Variants in CCDC85A observed in about 807,000 individuals in gnomAD.
CCDC85A encodes the protein coiled-coil domain-containing protein 85A.
A neutral mutation model predicts 50.2 loss-of-function variants in CCDC85A; 38 were observed. The ratio of observed to expected loss-of-function variants is 0.76; its 90% CI spans 0.58 to 0.99. CCDC85A has a LOEUF of 0.99. Ranked by LOEUF, CCDC85A falls within the 50% of genes least tolerant of loss-of-function variation. CCDC85A has a pLI of 0.00. For synonymous variants in CCDC85A, 366 were observed against 301.4 expected (o/e 1.21, Z -2.22); for missense variants, 820 against 742.0 (o/e 1.11, Z -1.22).
chr2:56,352,274 A>G (rs1361368767), intron 3 of CCDC85A, among the ~76,000 whole-genome samples: 6 of 152,196 alleles, frequency 3.9e-5, no homozygotes, highest in Admixed American at 2.6e-4. Context: ...TAGATCCGAA[A>G]TGTCATATAC....
intron 4 of CCDC85A, among the ~76,000 whole-genome samples, chr2:56,374,750 A>G (rs1382292614): frequency 6.6e-6 from 1 of 152,228 alleles, no homozygotes; most frequent in Admixed American, 6.5e-5. Context: ...TGAAGGCTGC[A>G]GTGAACAATG....
At chr2:56,248,637 T>C (rs914570771) in intron 2 of CCDC85A, among the ~76,000 whole-genome samples, 1 of 152,112 alleles carries the variant, frequency 6.6e-6, no homozygotes, top group African/African-American at 2.4e-5. Flanking sequence ...TTTCAGGCAA[T>C]AGTGGAAGTC....
chr2:56,231,210 T>C (rs4672099), intron 2 of CCDC85A, among the ~76,000 whole-genome samples: 34,951 of 152,142 alleles, frequency 0.23, 4,373 homozygotes, highest in Admixed American at 0.31. Context: ...TAAAATCATA[T>C]TAATTGCTTT....
intron 2 of CCDC85A, among the ~76,000 whole-genome samples, chr2:56,195,958 A>C (rs1465099272): frequency 1.3e-5 from 2 of 152,196 alleles, no homozygotes; most frequent in African/African-American, 4.8e-5. Flanking sequence ...CAAAACACAC[A>C]CATATGCACA....
At chr2:56,277,529 T>A (rs1671009456) in intron 2 of CCDC85A, among the ~76,000 whole-genome samples, 4 of 152,234 alleles carry the variant, frequency 2.6e-5, no homozygotes, top group Admixed American at 2.6e-4. Context: ...CCACATGACT[T>A]GTTTAAAGTT....
intron 2 of CCDC85A, among the ~76,000 whole-genome samples, chr2:56,303,546 G>A (rs1225364370): frequency 1.3e-5 from 2 of 152,018 alleles, no homozygotes; most frequent in African/African-American, 4.8e-5. Flanking sequence ...TTTCCTAAAG[G>A]GCACCAAGCA....
intron 2 of CCDC85A, among the ~76,000 whole-genome samples, chr2:56,204,442 G>T (rs1434782765): frequency 1.3e-5 from 2 of 152,128 alleles, no homozygotes; most frequent in Non-Finnish European, 2.9e-5. Flanking sequence ...ACACAGGTTT[G>T]TATGTTGATA....
rs939200623 is a variant in CCDC85A, at chr2:56,384,431, G to T, written c.*76G>T. 5 of 1,301,058 alleles carry T rather than the reference G, an allele frequency of 3.8e-6. No homozygotes were observed. The highest frequency in any genetic ancestry group is 2.9e-5 in the African/African-American group (2 of 68,172). The allele number at this position is 1,301,058 out of a possible 1,614,324, so 80.6% of individuals were successfully genotyped here. ...GACAAGAAGAAAAAGGAAAGAGTGG[G>T]TTTCCACAAACCTGGACTCATGGAA... On this transcript the variant is annotated 3_prime_UTR_variant, in exon 6 of 6. Transcript: ENST00000407595.
Position 56,278,296 on chromosome 2 carries a change from A to G in CCDC85A, c.1241-64583A>G, listed in dbSNP as rs554969927. Among the ~76,000 whole-genome samples, 4 of 152,114 alleles carry G rather than the reference A, an allele frequency of 2.6e-5. No homozygotes were observed. The South Asian group carries it at 8.3e-4, about 32-fold the overall frequency. On this transcript the variant is annotated intron_variant, in intron 2 of 5. Transcript: ENST00000407595. ...ACTTTTTTTTTTCTTTTAAGTCTGA[A>G]TGGGTCTGGGTACATAACATAAAAT... is the stretch of plus-strand genomic sequence containing the variant.
At chr2:56,238,564 T>C (rs1669123552) in intron 2 of CCDC85A, among the ~76,000 whole-genome samples, 1 of 152,138 alleles carries the variant, frequency 6.6e-6, no homozygotes, top group South Asian at 2.1e-4. Context: ...TTGTTGGACA[T>C]TGTACAGATC....
At chr2:56,289,986 G>T (rs552892474) in intron 2 of CCDC85A, among the ~76,000 whole-genome samples, 1 of 152,270 alleles carries the variant, frequency 6.6e-6, no homozygotes, top group African/African-American at 2.4e-5. Flanking sequence ...TCCCAGAGGG[G>T]TCGAGGTGGT....
Position 56,192,468 on chromosome 2 carries a change from T to G in CCDC85A, c.277-9T>G. The G allele has an allele frequency of 1.3e-6, 2 of 1,598,912 alleles. No individual in the cohort carries two copies. Among genetic ancestry groups the G allele is most frequent in the Non-Finnish European group, 1.7e-6 (2 of 1,172,622 alleles). On this transcript the variant is annotated splice_polypyrimidine_tract_variant and intron_variant, in intron 1 of 5. Transcript: ENST00000407595. This position sits in a 1 kb window ranked among gnomAD's most constrained non-coding sequence, Gnocchi z 4.7. The stretch of plus-strand genomic sequence containing the variant: ...TACTTCCCTTGAATGGTTGTGTCTC[T>G]CTTTTCAGGATATCAACCAGAAACT...
At chr2:56,362,499 C>T (rs921440604) in intron 3 of CCDC85A, among the ~76,000 whole-genome samples, 1 of 151,986 alleles carries the variant, frequency 6.6e-6, no homozygotes, top group East Asian at 1.9e-4. Context: ...AAAAGAAGAG[C>T]TTTGTGGACT....
At chr2:56,330,897 A>G (rs963689441) in intron 2 of CCDC85A, among the ~76,000 whole-genome samples, 1 of 152,198 alleles carries the variant, frequency 6.6e-6, no homozygotes, top group African/African-American at 2.4e-5. Context: ...AAAAGTGATC[A>G]TCATATCAAA....
intron 3 of CCDC85A, 82 bp downstream of exon 3, chr2:56,343,037 GTT>G (rs1332225035): frequency 1.8e-5 from 17 of 960,742 alleles, no homozygotes; most frequent in Non-Finnish European, 2.4e-5. Context: ...GCTCAATGAC[GTT>G]TTGTCTTTTA....
intron 2 of CCDC85A, among the ~76,000 whole-genome samples, chr2:56,230,905 A>C (rs536544446): frequency 6.6e-6 from 1 of 152,168 alleles, no homozygotes; most frequent in East Asian, 1.9e-4. Context: ...TTCAGAGTCT[A>C]CTTTTGTCTT....
chr2:56,270,108 T>C (rs1670634417), intron 2 of CCDC85A, among the ~76,000 whole-genome samples: 1 of 152,174 alleles, frequency 6.6e-6, no homozygotes, highest in African/African-American at 2.4e-5. Flanking sequence ...GGTGAACATA[T>C]ATATGTGTTT....
At chr2:56,364,860 T>G (rs1182400084) in intron 3 of CCDC85A, among the ~76,000 whole-genome samples, 1 of 152,238 alleles carries the variant, frequency 6.6e-6, no homozygotes, top group East Asian at 1.9e-4. Flanking sequence ...TTTTTTTCCC[T>G]TCAAATTCTT....
At position 56,184,754 on chromosome 2, in the gene CCDC85A, C is replaced by G. The variant is rs531624969; in HGVS notation, c.130C>G (p.Leu44Val). 13 of 1,544,756 alleles carry G rather than the reference C, an allele frequency of 8.4e-6. No individual in the cohort carries two copies. ...CCTGTCCAAAGTGTCGGACGAGGAG[C>G]TGCTGCAGTGGAGCAAGGAGGAGCT... ...EDLSKVSDEE[L>V]LQWSKEELIR... The change falls in exon 1 of 6, where the codon CTG becomes GTG. Residue 44 changes from leucine to valine, a missense_variant. Leu to Val is a conservative substitution (Grantham distance 32). Transcript: ENST00000407595.
Sources: allele counts gnomAD v4.1 joint callset (sites outside exome capture counted in the v4.1 genomes callset), GRCh38; gene constraint gnomAD v4.1.1; non-coding constraint Gnocchi (gnomAD v3.1); transcripts MANE v1.5; gene names NCBI Gene and HGNC (gene_info 2026-07-23, HGNC 2026-07-21).